Variants in PPP4R1 observed in about 807,000 individuals in gnomAD.
The protein encoded by PPP4R1 is serine/threonine-protein phosphatase 4 regulatory subunit 1.
In PPP4R1, 42 loss-of-function variants were observed where a neutral mutation model predicts 111.2. That is an observed-to-expected ratio of 0.38 (90% confidence interval 0.29 to 0.49). The LOEUF is 0.49. Among genes scored for constraint, PPP4R1 ranks in the 20% least tolerant of loss-of-function variants. The pLI is 0.97. For synonymous variants in PPP4R1, 409 were observed against 405.5 expected, an observed-to-expected ratio of 1.01 and a Z score of -0.10; for missense variants, 1,012 against 1,161.6, an observed-to-expected ratio of 0.87 and a Z score of 1.87.
chr18:9,579,057 C>T (rs1403586684), intron 9 of PPP4R1, among the ~76,000 whole-genome samples: 1 of 152,146 alleles, frequency 6.6e-6, no homozygotes, highest in African/African-American at 2.4e-5. Context: ...AATCTACCTC[C>T]TTGATTTCAC....
chr18:9,598,815 A>AGGAGTTCAAGATCAGCCTG (rs2067332771), intron 2 of PPP4R1, among the ~76,000 whole-genome samples: 1 of 152,072 alleles, frequency 6.6e-6, no homozygotes, highest in Non-Finnish European at 1.5e-5. Flanking sequence ...ACTTGAGCTC[A>AGGAGTTCAAGATCAGCCTG]GGAGTTCAAG....
chr18:9,585,336 T>C (rs758556113), intron 6 of PPP4R1, among the ~76,000 whole-genome samples: 1 of 152,190 alleles, frequency 6.6e-6, no homozygotes, highest in Non-Finnish European at 1.5e-5. Context: ...ATCAGAACCA[T>C]GTCCTGGTTT....
intron 4 of PPP4R1, 145 bp downstream of exon 4, chr18:9,593,623 T>C (rs1316327659): frequency 1.5e-6 from 1 of 689,514 alleles, no homozygotes; most frequent in African/African-American, 1.8e-5. Context: ...TTTACTTTTG[T>C]TGTCACTGAT....
intron 4 of PPP4R1, among the ~76,000 whole-genome samples, chr18:9,592,357 C>T (rs1047292702): frequency 3.9e-5 from 6 of 152,142 alleles, no homozygotes; most frequent in East Asian, 1.9e-4. Flanking sequence ...CTATCTTTTC[C>T]CCTCCTGGGT....
chr18:9,556,422 A>G (rs1354542321), intron 15 of PPP4R1, among the ~76,000 whole-genome samples: 1 of 151,938 alleles, frequency 6.6e-6, no homozygotes, highest in Non-Finnish European at 1.5e-5. Flanking sequence ...CAACCTCCTG[A>G]CCTCAAGTGA....
chr18:9,575,902 T>C (rs932232739), intron 10 of PPP4R1, among the ~76,000 whole-genome samples: 3 of 152,222 alleles, frequency 2.0e-5, no homozygotes, highest in Non-Finnish European at 4.4e-5. Context: ...CAGTCTTCAG[T>C]ATAAACAGGT....
upstream of PPP4R1, chr18:9,617,082 A>T (rs1325880376): frequency 6.6e-6 from 1 of 152,204 alleles, no homozygotes; most frequent in African/African-American, 2.4e-5. Flanking sequence ...CTAAGAAATA[A>T]TATTTAAACA....
intron 16 of PPP4R1, among the ~76,000 whole-genome samples, chr18:9,552,632 G>T (rs1237034128): frequency 6.6e-6 from 1 of 152,206 alleles, no homozygotes; most frequent in African/African-American, 2.4e-5. Flanking sequence ...ATTAAACACA[G>T]AATTACCATA....
chr18:9,590,661 C>T (rs2067195714), intron 4 of PPP4R1, among the ~76,000 whole-genome samples: 1 of 151,996 alleles, frequency 6.6e-6, no homozygotes. Flanking sequence ...AGATGGTCTT[C>T]CCAGTTGTGT....
intron 12 of PPP4R1, 41 bp from the exon 13 acceptor site, chr18:9,562,116 G>T: frequency 7.0e-7 from 1 of 1,434,090 alleles, no homozygotes; most frequent in Non-Finnish European, 9.8e-7. Flanking sequence ...TGTCCTGTCT[G>T]TACATCTTCA....
intron 10 of PPP4R1, among the ~76,000 whole-genome samples, chr18:9,574,379 T>C (rs950920310): frequency 6.6e-6 from 1 of 152,222 alleles, no homozygotes; most frequent in African/African-American, 2.4e-5. Context: ...AAAGAGGTAT[T>C]GTATCCTGAG....
chr18:9,571,937 A>G (rs1407765518), intron 10 of PPP4R1, among the ~76,000 whole-genome samples: 2 of 152,158 alleles, frequency 1.3e-5, no homozygotes, highest in African/African-American at 2.4e-5. Context: ...GTAGAAAATG[A>G]GTTGAGAGGT....
rs762519027 is a variant in PPP4R1 at position 9,563,478 on chromosome 18, T to G, written c.1646A>C (p.Glu549Ala). The change falls in exon 12 of 20, where the codon GAA (glutamate) becomes GCA (alanine). Residue 549 changes from glutamate to alanine, a missense_variant. Around this residue, in one of 2 missense-constraint regions of PPP4R1, gnomAD observed 707 missense variants for 742.1 expected, o/e 0.95. Transcript: ENST00000400556. ...TTCATCTTGCAAATCACTTCTCTTT[T>G]CTATACTGATGGTCTCTTCATGTGC... ...LDAHEETISI[E>A]KRSDLQDELD... 1 of 1,607,500 alleles carries G rather than the reference T, an allele frequency of 6.2e-7. No homozygotes were observed. Among genetic ancestry groups the G allele is most frequent in the Non-Finnish European group, 8.5e-7 (1 of 1,174,322 alleles).
upstream of PPP4R1, chr18:9,617,005 TTCTC>T (rs1259768286): frequency 3.9e-5 from 6 of 152,254 alleles, no homozygotes; most frequent in African/African-American, 7.2e-5. Flanking sequence ...ACATTTCACT[TTCTC>T]TCCTTTCTAA....
At chr18:9,612,213 G>A (rs886277033) in intron 2 of PPP4R1, among the ~76,000 whole-genome samples, 5 of 152,232 alleles carry the variant, frequency 3.3e-5, no homozygotes, top group African/African-American at 1.2e-4. Flanking sequence ...CTCATGTACA[G>A]CCTTGAACAA....
intron 2 of PPP4R1, among the ~76,000 whole-genome samples, chr18:9,606,675 A>G (rs777850468): frequency 6.6e-6 from 1 of 151,910 alleles, no homozygotes; most frequent in Non-Finnish European, 1.5e-5. Context: ...ATATTCATAT[A>G]TGTATTTATA....
At chr18:9,580,690 G>T (rs1367158762) in intron 9 of PPP4R1, among the ~76,000 whole-genome samples, 1 of 152,176 alleles carries the variant, frequency 6.6e-6, no homozygotes, top group Non-Finnish European at 1.5e-5. Context: ...AGGTGAGGTG[G>T]AGACAGCAGT....
upstream of PPP4R1, among the ~76,000 whole-genome samples, chr18:9,615,540 GT>G (rs2067678827): frequency 6.6e-6 from 1 of 152,190 alleles, no homozygotes; most frequent in South Asian, 2.1e-4. Flanking sequence ...TATTAGTCTT[GT>G]TGTTTTACGT....
chr18:9,591,481 G>A (rs2067210901), intron 4 of PPP4R1, among the ~76,000 whole-genome samples: 1 of 152,056 alleles, frequency 6.6e-6, no homozygotes, highest in Non-Finnish European at 1.5e-5. Context: ...GAAAATAAAA[G>A]CAGATGGTAA....
Sources: gnomAD v4.1 joint callset for allele counts (sites outside exome capture counted in the v4.1 genomes callset) on GRCh38, gnomAD v4.1.1 for gene constraint, gnomAD v4.1.1 regional missense constraint, MANE v1.5 for transcripts, NCBI Gene and HGNC (gene_info 2026-07-23, HGNC 2026-07-21) for gene names.